Variants in SPEF2 observed in about 807,000 individuals in gnomAD.
The protein encoded by SPEF2 is sperm flagella and cilia-associated protein 2.
A neutral mutation model predicts 224.6 loss-of-function variants in SPEF2; 187 were observed. That is an observed-to-expected ratio of 0.83 (90% CI 0.74 to 0.94). The LOEUF is 0.94. Ranked by LOEUF, SPEF2 falls within the 40% of genes least tolerant of loss-of-function variation. The probability of loss-of-function intolerance (pLI) is 0.00; values close to 1 mark genes in which losing one functional copy is unlikely to be tolerated. For synonymous variants in SPEF2, 715 were observed against 707.3 expected, an observed-to-expected ratio of 1.01 and a Z score of -0.17; for missense variants, 2,170 against 2,135.6, an observed-to-expected ratio of 1.02 and a Z score of -0.32.
intron 26 of SPEF2, among the ~76,000 whole-genome samples, chr5:35,764,177 T>A (rs188929104): frequency 0.02 from 3,061 of 152,296 alleles, 76 homozygotes; most frequent in South Asian, 0.054. Context: ...TAAAAATTTT[T>A]AAAAAATATT....
chr5:35,732,489 G>T (rs1385995974), intron 21 of SPEF2, among the ~76,000 whole-genome samples: 1 of 152,058 alleles, frequency 6.6e-6, no homozygotes, highest in Non-Finnish European at 1.5e-5. Context: ...TGTTAGAGGG[G>T]CATTAAAAGA....
chr5:35,657,406 G>T (rs1345862272), intron 7 of SPEF2, among the ~76,000 whole-genome samples: 3 of 152,136 alleles, frequency 2.0e-5, no homozygotes, highest in Non-Finnish European at 4.4e-5. Flanking sequence ...GGTTTTGAGA[G>T]TAGGGATGGT....
In SPEF2 at chr5:35,700,688, T is replaced by G; in HGVS notation, c.2334T>G (p.Phe778Leu). 1 of 1,614,028 alleles carries G rather than the reference T, an allele frequency of 6.2e-7. No homozygotes were observed. Among genetic ancestry groups the G allele is most frequent in the Non-Finnish European group, 8.5e-7 (1 of 1,179,936 alleles). ...AAATACCTCTTCCCTCTCCTGCATT[T>G]GATTTTGTCATATTATTAGATGTTT... is the stretch of plus-strand genomic sequence containing the variant. ...SKEIPLPSPA[F>L]DFVILLDVSD... Residue 778 changes from phenylalanine (F) to leucine (L), a missense_variant, in exon 16 of 37, where the codon TTT (phenylalanine) becomes TTG (leucine). Coordinates refer to ENST00000356031, the MANE Select transcript of SPEF2 (RefSeq NM_024867.4).
intron 14 of SPEF2, among the ~76,000 whole-genome samples, chr5:35,697,326 C>G (rs930977280): frequency 3.3e-4 from 50 of 152,316 alleles, no homozygotes; most frequent in African/African-American, 1.2e-3. Flanking sequence ...GAGAACTTCA[C>G]TGGTCAAGGG....
chr5:35,722,500 A>G (rs569738998), intron 20 of SPEF2, among the ~76,000 whole-genome samples: 4 of 145,318 alleles, frequency 2.8e-5, no homozygotes, highest in Non-Finnish European at 6.0e-5. Flanking sequence ...TTTTATTATT[A>G]TACTTTAAGT....
chr5:35,710,409 T>C (rs1374646434), intron 19 of SPEF2: 13 of 516,744 alleles, frequency 2.5e-5, no homozygotes, highest in Non-Finnish European at 3.0e-5. Flanking sequence ...ATACAAAAAT[T>C]AGCTGGGCGT....
chr5:35,764,952 A>G (rs1370686409), intron 26 of SPEF2, among the ~76,000 whole-genome samples: 3 of 152,188 alleles, frequency 2.0e-5, no homozygotes, highest in African/African-American at 7.2e-5. Context: ...TTATAATTGC[A>G]TGACTTAATG....
intron 18 of SPEF2, 97 bp from the exon 19 acceptor site, chr5:35,708,851 A>C (rs1472553939): frequency 8.7e-7 from 1 of 1,145,776 alleles, no homozygotes; most frequent in Admixed American, 2.4e-5. Context: ...TAAATACGTA[A>C]GATTGTTTTA....
intron 2 of SPEF2, among the ~76,000 whole-genome samples, chr5:35,629,076 G>T (rs1263484097): frequency 6.6e-6 from 1 of 150,798 alleles, no homozygotes; most frequent in East Asian, 1.9e-4. Flanking sequence ...ATTGTTATAT[G>T]GTTGCAGCAA....
At chr5:35,746,722 A>T (rs1007989208) in intron 23 of SPEF2, among the ~76,000 whole-genome samples, 1 of 152,150 alleles carries the variant, frequency 6.6e-6, no homozygotes, top group African/African-American at 2.4e-5. Context: ...GGAAGAAGAG[A>T]ATTATAAAAG....
In SPEF2 at chr5:35,668,022, G is replaced by A. The variant is rs73080270; in HGVS notation, c.1355+763G>A. On this transcript the variant is annotated intron_variant, in intron 9 of 36. Transcript: ENST00000356031. ...AAAAAAATGAAAACACCAAATACTG[G>A]CAAGGATCTGGAGAAAACCACTATT... Among the ~76,000 whole-genome samples the A allele has an allele frequency of 9.0e-3, 1,363 of 152,124 alleles. 25 individuals are homozygous for A. Among genetic ancestry groups the A allele is most frequent in the African/African-American group, 0.032 (1,313 of 41,518 alleles).
chr5:35,745,932 C>T (rs1279838270), intron 23 of SPEF2, among the ~76,000 whole-genome samples: 1 of 152,178 alleles, frequency 6.6e-6, no homozygotes, highest in Non-Finnish European at 1.5e-5. Context: ...ACTCCCTCAC[C>T]ACCTCCACCA....
chr5:35,697,207 A>G (rs1755459920), intron 14 of SPEF2, among the ~76,000 whole-genome samples: 1 of 152,158 alleles, frequency 6.6e-6, no homozygotes, highest in Non-Finnish European at 1.5e-5. Context: ...ACAAGTATAA[A>G]CACTAGGCAA....
At chr5:35,622,410 T>C (rs1743659634) in intron 1 of SPEF2, among the ~76,000 whole-genome samples, 1 of 152,202 alleles carries the variant, frequency 6.6e-6, no homozygotes, top group Non-Finnish European at 1.5e-5. Flanking sequence ...GTTCATAACG[T>C]ATTGTGGTAA....
At chr5:35,745,682 A>G (rs1387246836) in intron 23 of SPEF2, among the ~76,000 whole-genome samples, 1 of 152,130 alleles carries the variant, frequency 6.6e-6, no homozygotes, top group African/African-American at 2.4e-5. Flanking sequence ...ACCCAAGGAG[A>G]ATCTGAGCTC....
At chr5:35,790,340 C>T (rs1390390789) in intron 30 of SPEF2, 1 of 540,762 alleles carries the variant, frequency 1.8e-6, no homozygotes, top group Non-Finnish European at 3.3e-6. Flanking sequence ...ATTCAGATTG[C>T]TCATCAAACT....
At chr5:35,810,605 A>T (rs1336293084) in intron 36 of SPEF2, among the ~76,000 whole-genome samples, 1 of 152,188 alleles carries the variant, frequency 6.6e-6, no homozygotes, top group Non-Finnish European at 1.5e-5. Flanking sequence ...AACTGTCCCA[A>T]GTGTGGCAGA....
Position 35,709,594 on chromosome 5 carries a change from A to T in SPEF2, c.2839+473A>T, listed in dbSNP as rs554656841. On this transcript the variant is annotated intron_variant, in intron 19 of 36. Transcript: ENST00000356031. ...TATGTAATTGTAAATCTTCAGGACTATGTGATTATAAAAGTATAGAAACAA... is the reference window on the plus strand; with the variant it reads ...TATGTAATTGTAAATCTTCAGGACTTTGTGATTATAAAAGTATAGAAACAA... 1,671 of 985,854 alleles carry T rather than the reference A, an allele frequency of 1.7e-3. 3 individuals carry two copies. The highest frequency in any genetic ancestry group is 1.9e-3 in the Non-Finnish European group (1,570 of 830,236). The allele number at this position is 985,854 out of a possible 1,614,324, so 61.1% of individuals were successfully genotyped here.
At chr5:35,812,077 C>T (rs1580818933) in intron 36 of SPEF2, among the ~76,000 whole-genome samples, 2 of 152,034 alleles carry the variant, frequency 1.3e-5, no homozygotes, top group Non-Finnish European at 2.9e-5. Context: ...CATGAGCCAC[C>T]GCACCTGGCC....
Sources: gnomAD v4.1 joint callset for allele counts (sites outside exome capture counted in the v4.1 genomes callset) on GRCh38, gnomAD v4.1.1 for gene constraint, MANE v1.5 for transcripts, NCBI Gene and HGNC (gene_info 2026-07-23, HGNC 2026-07-21) for gene names.